ZP1: variants seen among roughly 807,000 people sequenced by gnomAD.
ZP1 encodes the protein zona pellucida sperm-binding protein 1.
Under a neutral mutation model 67.4 loss-of-function variants are expected in ZP1, and 58 were observed. That is an observed-to-expected ratio of 0.86 (90% CI 0.70 to 1.07). The LOEUF (loss-of-function observed/expected upper bound fraction) is 1.07, where lower values mean the gene tolerates loss of function less well. ZP1 is among the 50% of genes least tolerant of loss of function. The pLI is 0.00. For missense variants in ZP1, 759 were observed against 807.3 expected (o/e 0.94, Z 0.72); for synonymous variants, 333 against 332.7 (o/e 1.00, Z -0.01).
In ZP1 at chr11:60,871,279, G is replaced by A; in HGVS notation, c.1077G>A (p.Gly359=). Residue 359 remains glycine (G), a synonymous_variant, in exon 6 of 12, where the codon GGG becomes GGA. Transcript: ENST00000278853. The stretch of plus-strand genomic sequence containing the variant: ...TGTCTGGCATCCACATCCAAAAGGG[G>A]CCACAGGGTTCCATCACGCGGGACA... ...WLVSGIHIQK[G]PQGSITRDST... 2.5e-6 allele frequency: 4 copies of A among 1,613,970 alleles called. No individual in the cohort carries two copies. The highest frequency in any genetic ancestry group is 3.4e-6 in the Non-Finnish European group (4 of 1,180,052).
chr11:60,868,155 C>T (rs1179267692), intron 1 of ZP1, among the ~76,000 whole-genome samples: 1 of 151,712 alleles, frequency 6.6e-6, no homozygotes, highest in African/African-American at 2.4e-5. Context: ...TCAAGCAATT[C>T]TCCTGCCTCA....
In ZP1 at chr11:60,867,638, G is replaced by A. The variant is rs1002386528; in HGVS notation, c.77G>A (p.Arg26Lys). The part of the protein sequence containing the change: ...LLLVATLGLG[R>K]WLQPDPGLPG... ...CTGGTTGCCACCCTGGGGCTGGGTA[G>A]GTGGCTCCAGCCCGACCCTGGCCTC... Residue 26 changes from arginine (R) to lysine (K), a missense_variant, in exon 1 of 12, where the codon AGG becomes AAG. By Grantham distance (26) the Arg-to-Lys change is conservative. Coordinates refer to ENST00000278853, the MANE Select transcript of ZP1 (RefSeq NM_207341.4). The A allele has an allele frequency of 1.1e-5, 18 of 1,613,980 alleles. No individual in the cohort carries two copies. The highest frequency in any genetic ancestry group is 1.4e-5 in the Non-Finnish European group (17 of 1,179,920).
rs1855548569 is a variant in ZP1 at position 60,870,567 on chromosome 11, T to C, written c.826+92T>C. ...TCCAGCTGGTGGAAACTGCTTCCTATCCTCCTCCTGGAGAGCCCAACTCCC... is the reference window on the plus strand; with the variant it reads ...TCCAGCTGGTGGAAACTGCTTCCTACCCTCCTCCTGGAGAGCCCAACTCCC... On this transcript the variant is annotated intron_variant, in intron 4 of 11. Transcript: ENST00000278853. The C allele has an allele frequency of 3.3e-6, 5 of 1,496,260 alleles. No homozygotes were observed. In the Admixed American group the frequency reaches 8.8e-5, roughly 26 times the overall value. 92.7% of individuals were successfully genotyped at this position (1,496,260 alleles called of 1,614,324 possible).
chr11:60,873,359 G>A lies in ZP1; in HGVS notation c.1241-16G>A. The A allele has an allele frequency of 2.5e-6, 4 of 1,596,044 alleles. No individual in the cohort carries two copies. The highest frequency in any genetic ancestry group is 3.4e-6 in the Non-Finnish European group (4 of 1,165,560). On this transcript the variant is annotated splice_polypyrimidine_tract_variant and intron_variant, in intron 7 of 11. Transcript: ENST00000278853. ...ATGCACAGCCCGCCCTGGCTCATGA[G>A]TCACTCTCCCTGCAGACGAGACCTT... is the stretch of plus-strand genomic sequence containing the variant.
intron 4 of ZP1, 93 bp downstream of exon 4, chr11:60,870,568 C>G: frequency 3.3e-6 from 5 of 1,493,726 alleles, no homozygotes; most frequent in Non-Finnish European, 4.5e-6. Context: ...TGCTTCCTAT[C>G]CTCCTCCTGG....
At position 60,875,632 on chromosome 11, in the gene ZP1, G is replaced by C. The variant is rs780930131; in HGVS notation, c.1893G>C (p.Lys631Asn). 6.2e-7 allele frequency: 1 copy of C among 1,614,154 alleles called. No individual in the cohort carries two copies. The highest frequency in any genetic ancestry group is 1.1e-5 in the South Asian group (1 of 91,060). ...GCCTGAGCCAGACCTGGGCCCAGAA[G>C]CTCTGGGAAAGCAACAGACAGTGAA... ...FVGLSQTWAQ[K>N]LWESNRQ is the part of the protein sequence containing the mutation. The change falls in exon 12 of 12, where the codon AAG becomes AAC. Residue 631 changes from lysine to asparagine, a missense_variant. Physicochemically the swap from Lys to Asn is moderately conservative, Grantham distance 94 (BLOSUM62 0). Transcript: ENST00000278853.
Position 60,869,678 on chromosome 11 carries a change from T to C in ZP1, c.460T>C (p.Phe154Leu). Residue 154 changes from phenylalanine to leucine, a missense_variant, in exon 3 of 12, where the codon TTC (phenylalanine) becomes CTC (leucine). By Grantham distance (22) the Phe-to-Leu change is conservative. Transcript: ENST00000278853. ...CTCCCAGCTGGCACCACCCGCCATG[T>C]TCTCTGTCTCAACCCCACAAACCCT... ...LDSQLAPPAMFSVSTPQTLSF... is the reference protein window; with the variant it reads ...LDSQLAPPAMLSVSTPQTLSF... 1 of 1,614,142 alleles carries C rather than the reference T, an allele frequency of 6.2e-7. No homozygotes were observed. Among genetic ancestry groups the C allele is most frequent in the Non-Finnish European group, 8.5e-7 (1 of 1,180,000 alleles).
chr11:60,871,321 G>A lies in ZP1; in HGVS notation c.1112+7G>A. 1 of 1,613,332 alleles carries A rather than the reference G, an allele frequency of 6.2e-7. No homozygotes were observed. Among genetic ancestry groups the A allele is most frequent in the East Asian group, 2.2e-5 (1 of 44,880 alleles). On this transcript the variant is annotated splice_region_variant and intron_variant, in intron 6 of 11. Transcript: ENST00000278853. ...CGCGGGACAGCACCTTCCAGTAAGGGCAGCCCTCCTCCTACAGGCGTGGCT... is the reference window on the plus strand; with the variant it reads ...CGCGGGACAGCACCTTCCAGTAAGGACAGCCCTCCTCCTACAGGCGTGGCT...
chr11:60,870,529 G>A, intron 4 of ZP1, 54 bp downstream of exon 4: 1 of 1,535,526 alleles, frequency 6.5e-7, no homozygotes, highest in Non-Finnish European at 8.8e-7. Context: ...GAAGCGGAAG[G>A]AGAGCTGTCT....
intron 4 of ZP1, 50 bp downstream of exon 4, chr11:60,870,525 GA>G (rs1466753863): frequency 6.5e-7 from 1 of 1,540,544 alleles, no homozygotes; most frequent in Admixed American, 2.0e-5. Flanking sequence ...TTCTGAAGCG[GA>G]AGGAGAGCTG....
Position 60,867,590 on chromosome 11 carries a change from G to C in ZP1, c.29G>C (p.Gly10Ala). The change falls in exon 1 of 12, where the codon GGT (glycine) becomes GCT (alanine). Residue 10 changes from glycine (G) to alanine (A), a missense_variant. Transcript: ENST00000278853. ...GCAGGAGGCTCAGCCACGACCTGGG[G>C]TTACCCTGTGGCCCTGCTACTGCTG... MAGGSATTW[G>A]YPVALLLLVA... 1 of 1,613,040 alleles carries C rather than the reference G, an allele frequency of 6.2e-7. No individual in the cohort carries two copies. Among genetic ancestry groups the C allele is most frequent in the African/African-American group, 1.3e-5 (1 of 75,046 alleles).
chr11:60,869,275 T>A lies in ZP1; in HGVS notation c.318+9T>A. 1 of 1,614,086 alleles carries A rather than the reference T, an allele frequency of 6.2e-7. No individual in the cohort carries two copies. Among genetic ancestry groups the A allele is most frequent in the Non-Finnish European group, 8.5e-7 (1 of 1,179,984 alleles). On this transcript the variant is annotated intron_variant, in intron 2 of 11. Transcript: ENST00000278853. ...GCCACGTGCTGGAGAAGGTAGGGGT[T>A]GTTCATGCTCTGGCACAGGGGCAAG...
At chr11:60,869,486 G>T (rs1437380603) in intron 2 of ZP1, 51 bp from the exon 3 acceptor site, 1 of 1,556,654 alleles carries the variant, frequency 6.4e-7, no homozygotes, top group Admixed American at 1.8e-5. Flanking sequence ...CCCTGCCTGG[G>T]TATGCTAGGT....
chr11:60,875,122 T>C lies in ZP1; in HGVS notation c.1655-7T>C. 1.2e-6 allele frequency: 2 copies of C among 1,613,796 alleles called. No individual in the cohort carries two copies. Among genetic ancestry groups the C allele is most frequent in the Admixed American group, 3.3e-5 (2 of 60,022 alleles). On this transcript the variant is annotated splice_polypyrimidine_tract_variant and splice_region_variant and intron_variant, in intron 10 of 11. Transcript: ENST00000278853. ...CCAGCCCAAGATTTCATTCTTCCCC[T>C]GGGCAGGACAGCGACGATCCTCAGG...
chr11:60,870,066 T>G (rs1244664684), intron 3 of ZP1, among the ~76,000 whole-genome samples, 166 bp downstream of exon 3: 1 of 152,246 alleles, frequency 6.6e-6, no homozygotes, highest in Non-Finnish European at 1.5e-5. Context: ...AAAACAGCTT[T>G]AAACATGTAT....
In ZP1 at chr11:60,869,826, C is replaced by T. The variant is rs746000159; in HGVS notation, c.608C>T (p.Pro203Leu). Reference protein sequence around the residue: ...TPALPSPGPGPTLATLAQPHW... With the variant: ...TPALPSPGPGLTLATLAQPHW... ...GCTTTACCATCCCCTGGACCTGGAC[C>T]TACCCTCGCCACCCTGGCTCAACCC... Residue 203 changes from proline to leucine, a missense_variant, in exon 3 of 12, where the codon CCT becomes CTT. Coordinates refer to ENST00000278853, the MANE Select transcript of ZP1 (RefSeq NM_207341.4). The T allele has an allele frequency of 4.3e-6, 7 of 1,609,382 alleles. No homozygotes were observed. The highest frequency in any genetic ancestry group is 5.9e-6 in the Non-Finnish European group (7 of 1,177,390).
chr11:60,871,032 C>A lies in ZP1; in HGVS notation c.902C>A (p.Thr301Lys). 6.2e-7 allele frequency: 1 copy of A among 1,614,256 alleles called. No individual in the cohort carries two copies. The highest frequency in any genetic ancestry group is 8.5e-7 in the Non-Finnish European group (1 of 1,180,048). Residue 301 changes from threonine to lysine, a missense_variant, in exon 5 of 12, where the codon ACA becomes AAA. Transcript: ENST00000278853. ...GAAATGGCCTTGACACACAGGATCA[C>A]ACTGGCCAACATCCACCTGGCCTAT... ...SQEMALTHRI[T>K]LANIHLAYAP...
chr11:60,873,845 CT>C, intron 9 of ZP1, 70 bp downstream of exon 9: 2 of 1,589,170 alleles, frequency 1.3e-6, no homozygotes, highest in Non-Finnish European at 1.7e-6. Context: ...CCAAATCCCT[CT>C]GGCACCCTGT....
Position 60,875,161 on chromosome 11 carries a change from A to G in ZP1, c.1687A>G (p.Thr563Ala). The part of the protein sequence containing the change: ...QRRSSGHRND[T>A]ARPQDIVSSP... ...ACGATCCTCAGGTCACCGTAATGAC[A>G]CTGCCAGGCCCCAGGACATCGTGAG... Residue 563 changes from threonine (T) to alanine (A), a missense_variant, in exon 11 of 12, where the codon ACT becomes GCT. By Grantham distance (58) the Thr-to-Ala change is moderately conservative (BLOSUM62 0). Transcript: ENST00000278853. 6.2e-7 allele frequency: 1 copy of G among 1,613,890 alleles called. No individual in the cohort carries two copies. The highest frequency in any genetic ancestry group is 8.5e-7 in the Non-Finnish European group (1 of 1,180,028).
Sources: gnomAD v4.1 joint callset for allele counts (sites outside exome capture counted in the v4.1 genomes callset) on GRCh38, gnomAD v4.1.1 for gene constraint, MANE v1.5 for transcripts, NCBI Gene and HGNC (gene_info 2026-07-23, HGNC 2026-07-21) for gene names.